SASH1: variants seen among roughly 807,000 people sequenced by gnomAD.
SASH1 encodes SAM and SH3 domain-containing protein 1.
A neutral mutation model predicts 125.2 loss-of-function variants in SASH1; 44 were observed. That is an observed-to-expected ratio of 0.35 (90% CI 0.28 to 0.45). The LOEUF (loss-of-function observed/expected upper bound fraction) is 0.45, where lower values mean the gene tolerates loss of function less well. SASH1 is among the 20% of genes least tolerant of loss of function. SASH1 has a pLI of 1.00. For missense variants in SASH1, 1,426 were observed against 1,614.5 expected, an observed-to-expected ratio of 0.88 and a Z score of 2.00; for synonymous variants, 639 against 649.1, an observed-to-expected ratio of 0.98 and a Z score of 0.24.
chr6:148,453,777 A>G (rs538503332), intron 4 of SASH1, among the ~76,000 whole-genome samples: 10 of 152,244 alleles, frequency 6.6e-5, no homozygotes, highest in Non-Finnish European at 1.2e-4. Flanking sequence ...TGCGAAAACC[A>G]TCAGGACAGG....
Position 148,495,402 on chromosome 6 carries a change from C to A in SASH1, c.729+7687C>A, listed in dbSNP as rs1779269785. Among the ~76,000 whole-genome samples the A allele has an allele frequency of 6.6e-6, 1 of 152,132 alleles. No individual in the cohort carries two copies. Among genetic ancestry groups the A allele is most frequent in the Admixed American group, 6.5e-5 (1 of 15,274 alleles). ...AGAATCTGCTATTGTGAGCTCAACT[C>A]AAAATTTTAAAGGTTGACTATTCTT... On this transcript the variant is annotated intron_variant, in intron 8 of 19. Transcript: ENST00000367467. This position sits in a 1 kb window ranked among gnomAD's most constrained non-coding sequence, Gnocchi z 4.0.
intron 2 of SASH1, among the ~76,000 whole-genome samples, chr6:148,421,200 A>AGAAAGAAG (rs1785080433): frequency 4.9e-5 from 7 of 143,226 alleles, no homozygotes; most frequent in Admixed American, 4.8e-4. Context: ...AAAGAAAGAA[A>AGAAAGAAG]GAAAGAAAGA....
At chr6:148,255,966 T>C in the SASH1 span, among the ~76,000 whole-genome samples, 1 of 150,750 alleles carries the variant, frequency 6.6e-6, no homozygotes. Flanking sequence ...AGATAAGATG[T>C]ATTTAAACAT....
At chr6:148,284,210 G>A (rs970962100) in intron 1 of SASH1, among the ~76,000 whole-genome samples, 2 of 152,118 alleles carry the variant, frequency 1.3e-5, no homozygotes, top group Non-Finnish European at 1.5e-5. Flanking sequence ...AGGCCGAGGC[G>A]GGCAGATCAC....
chr6:148,245,788 C>G, the SASH1 span, among the ~76,000 whole-genome samples: 1 of 151,888 alleles, frequency 6.6e-6, no homozygotes, highest in Non-Finnish European at 1.5e-5. Flanking sequence ...GAGATCGAGA[C>G]CATCCTGGCT....
intron 1 of SASH1, among the ~76,000 whole-genome samples, chr6:148,321,640 C>T (rs1780636327): frequency 6.6e-6 from 1 of 152,168 alleles, no homozygotes; most frequent in South Asian, 2.1e-4. Context: ...GTCTCCCTCA[C>T]TAGACTAAGC....
exon 1 of SASH1, chr6:148,272,335 C>T (rs1349056451): frequency 1.1e-5 from 5 of 470,490 alleles, no homozygotes; most frequent in Admixed American, 4.7e-5. Context: ...ACCATTTGAA[C>T]GTATGGCCAG....
chr6:148,528,653 G>A (rs560037471), intron 12 of SASH1, among the ~76,000 whole-genome samples: 1 of 152,234 alleles, frequency 6.6e-6, no homozygotes, highest in East Asian at 1.9e-4. Context: ...TCTTTCAATG[G>A]TCAGACTGGG....
intron 5 of SASH1, among the ~76,000 whole-genome samples, chr6:148,469,457 G>A (rs1777997580): frequency 6.6e-6 from 1 of 152,220 alleles, no homozygotes; most frequent in Non-Finnish European, 1.5e-5. Flanking sequence ...TTGTCAGCCT[G>A]TGCAGTGGCT....
chr6:148,377,184 C>CAAAAAAAAAAAAAAAAA (rs1205507255), intron 1 of SASH1, among the ~76,000 whole-genome samples: 1 of 38,140 alleles, frequency 2.6e-5, no homozygotes, highest in African/African-American at 1.0e-4. Flanking sequence ...AAAAAAAAAA[C>CAAAAAAAAAAAAAAAAA]AAAAAAAAAA....
At chr6:148,289,065 G>T (rs1445858773) in intron 1 of SASH1, among the ~76,000 whole-genome samples, 2 of 151,796 alleles carry the variant, frequency 1.3e-5, no homozygotes, top group Non-Finnish European at 2.9e-5. Context: ...CATGATCTTG[G>T]CTCTCCACAG....
intron 5 of SASH1, among the ~76,000 whole-genome samples, chr6:148,469,657 C>T (rs1438949602): frequency 6.6e-6 from 1 of 152,070 alleles, no homozygotes; most frequent in Non-Finnish European, 1.5e-5. Context: ...CCCTTGAGCC[C>T]AAGAGTTTGA....
chr6:148,332,650 C>T (rs562147268), intron 1 of SASH1, among the ~76,000 whole-genome samples: 52 of 151,824 alleles, frequency 3.4e-4, no homozygotes, highest in African/African-American at 1.3e-3. Flanking sequence ...TCTTCATTCA[C>T]TTGTCTCATG....
chr6:148,412,700 A>C (rs1440386027), intron 2 of SASH1, among the ~76,000 whole-genome samples: 1 of 152,128 alleles, frequency 6.6e-6, no homozygotes, highest in Non-Finnish European at 1.5e-5. Context: ...GGAGGGCAGC[A>C]AGTTCTTCAT....
intron 8 of SASH1, among the ~76,000 whole-genome samples, chr6:148,505,050 G>A (rs1359382455): frequency 2.0e-5 from 3 of 152,160 alleles, no homozygotes; most frequent in East Asian, 1.9e-4. Flanking sequence ...CACATGGAAC[G>A]AGGGCTTCCT....
At chr6:148,343,544 T>C (rs1209928715) in intron 1 of SASH1, among the ~76,000 whole-genome samples, 1 of 152,130 alleles carries the variant, frequency 6.6e-6, no homozygotes, top group African/African-American at 2.4e-5. Flanking sequence ...TAAATAAATA[T>C]TTGGTTGGTG....
In SASH1 at chr6:148,502,262, C is replaced by T. The variant is rs556397849; in HGVS notation, c.730-12062C>T. ...TTTTTCCATATGCTAACCAAAATCT[C>T]CTAATTTCAGAGGGCAATGATGTCA... On this transcript the variant is annotated intron_variant, in intron 8 of 19. Transcript: ENST00000367467. Among the ~76,000 whole-genome samples the T allele has an allele frequency of 2.0e-5, 3 of 152,062 alleles. No individual in the cohort carries two copies. The East Asian group carries it at 5.8e-4, about 29-fold the overall frequency.
At chr6:148,487,003 TTA>T (rs200104509) in intron 7 of SASH1, among the ~76,000 whole-genome samples, 3 of 86,730 alleles carry the variant, frequency 3.5e-5, no homozygotes, top group Non-Finnish European at 4.9e-5. Context: ...ATGTATTTGC[TTA>T]TATATATGTT....
intron 8 of SASH1, among the ~76,000 whole-genome samples, chr6:148,493,983 C>T (rs1301522110): frequency 1.3e-5 from 2 of 151,966 alleles, no homozygotes; most frequent in Non-Finnish European, 2.9e-5. Context: ...AGTTCTCAAG[C>T]TTTGTGCCCT....
Sources: allele counts gnomAD v4.1 joint callset (sites outside exome capture counted in the v4.1 genomes callset), GRCh38; gene constraint gnomAD v4.1.1; non-coding constraint Gnocchi (gnomAD v3.1); transcripts MANE v1.5; gene names NCBI Gene and HGNC (gene_info 2026-07-23, HGNC 2026-07-21).